LRMDA: variants seen among roughly 807,000 people sequenced by gnomAD.
LRMDA encodes the protein leucine rich melanocyte differentiation associated.
Under a neutral mutation model 29.8 loss-of-function variants are expected in LRMDA, and 18 were observed. The ratio of observed to expected loss-of-function variants is 0.60; its 90% confidence interval spans 0.42 to 0.90. The LOEUF is 0.90. LRMDA is among the 40% of genes least tolerant of loss of function. The pLI is 0.00. For synonymous variants in LRMDA, 125 were observed against 109.4 expected (o/e 1.14, Z -0.89); for missense variants, 273 against 273.9 (o/e 1.00, Z 0.02).
At chr10:75,490,818 T>C (rs1169547179) in intron 2 of LRMDA, among the ~76,000 whole-genome samples, 1 of 152,250 alleles carries the variant, frequency 6.6e-6, no homozygotes, top group Non-Finnish European at 1.5e-5. Context: ...GTATCACTAA[T>C]ACGCCTCTGC....
chr10:76,460,926 C>T (rs967288031), intron 6 of LRMDA, among the ~76,000 whole-genome samples: 2 of 152,166 alleles, frequency 1.3e-5, no homozygotes, highest in Non-Finnish European at 2.9e-5. Flanking sequence ...ACTGCATTCA[C>T]ATCCTGGCTC....
chr10:76,006,951 T>C (rs1207341526), intron 2 of LRMDA, among the ~76,000 whole-genome samples: 1 of 149,940 alleles, frequency 6.7e-6, no homozygotes, highest in East Asian at 2.0e-4. Flanking sequence ...CAATGCTCCC[T>C]GGTCCTGCTA....
chr10:76,470,414 T>A (rs143791805), intron 6 of LRMDA: 67 of 152,214 alleles, frequency 4.4e-4, no homozygotes, highest in African/African-American at 1.5e-3. Context: ...CCCAAAGAAC[T>A]GAAAACAAGA....
rs528511968 is a variant in LRMDA, at chr10:76,380,538, G to A, written c.601+56053G>A. The stretch of plus-strand genomic sequence containing the variant: ...CAAAAAATTAGTCGGGCGTGGTGGC[G>A]GGCGCCTGTAGTCTCAGCTACTCAG... On this transcript the variant is annotated intron_variant, in intron 6 of 6. Transcript: ENST00000611255. Among the ~76,000 whole-genome samples the A allele has an allele frequency of 2.6e-5, 4 of 151,790 alleles. No homozygotes were observed. In the South Asian group the frequency reaches 6.2e-4, roughly 24 times the overall value.
intron 5 of LRMDA, among the ~76,000 whole-genome samples, chr10:76,299,533 T>C (rs943574051): frequency 2.0e-5 from 3 of 151,990 alleles, no homozygotes; most frequent in Non-Finnish European, 4.4e-5. Context: ...CTTCCCTTTT[T>C]ATACTTGCTC....
At chr10:75,558,096 G>T (rs915426202) in intron 2 of LRMDA, among the ~76,000 whole-genome samples, 1 of 151,644 alleles carries the variant, frequency 6.6e-6, no homozygotes, top group South Asian at 2.1e-4. Context: ...CCAGAGAAAG[G>T]ATTGGGAAAT....
chr10:76,307,972 C>G (rs1183145111), intron 5 of LRMDA, among the ~76,000 whole-genome samples: 1 of 152,164 alleles, frequency 6.6e-6, no homozygotes, highest in African/African-American at 2.4e-5. Flanking sequence ...AACTGTTCAA[C>G]AAGGGAGATT....
chr10:76,055,102 A>C (rs1848591914), intron 4 of LRMDA, among the ~76,000 whole-genome samples: 1 of 150,052 alleles, frequency 6.7e-6, no homozygotes, highest in South Asian at 2.1e-4. Flanking sequence ...AAAGAAAAAG[A>C]AAAGAAAGAA....
At chr10:75,573,515 T>C (rs1294407673) in intron 2 of LRMDA, among the ~76,000 whole-genome samples, 1 of 152,202 alleles carries the variant, frequency 6.6e-6, no homozygotes, top group East Asian at 1.9e-4. Context: ...GGATCATTTT[T>C]TTCAGTTTTA....
chr10:75,576,721 C>A (rs193209372), intron 2 of LRMDA, among the ~76,000 whole-genome samples: 2 of 152,318 alleles, frequency 1.3e-5, no homozygotes, highest in Admixed American at 1.3e-4. Flanking sequence ...TGTTCTGCAG[C>A]CTCTGACAGT....
intron 6 of LRMDA, among the ~76,000 whole-genome samples, chr10:76,363,215 A>AAGGGAGAGAG (rs1491098591): frequency 4.0e-5 from 1 of 25,004 alleles, no homozygotes; most frequent in Non-Finnish European, 8.0e-5. Context: ...GGAGGGAAGG[A>AAGGGAGAGAG]AGAGAAAGAA....
rs1844659609 is a variant in LRMDA at position 75,847,479 on chromosome 10, A to C, written c.132-188529A>C. 2.0e-5 allele frequency among the ~76,000 whole-genome samples: 3 copies of C among 152,236 alleles called. No individual in the cohort carries two copies. In the South Asian group the frequency reaches 6.2e-4, roughly 32 times the overall value. ...ATATTGGATATGACACCAAATGCACAGGCAACAAAAACAAAAATAGACAAA... is the reference window on the plus strand; with the variant it reads ...ATATTGGATATGACACCAAATGCACCGGCAACAAAAACAAAAATAGACAAA... On this transcript the variant is annotated intron_variant, in intron 2 of 6. Transcript: ENST00000611255.
intron 2 of LRMDA, among the ~76,000 whole-genome samples, chr10:75,962,285 C>G (rs1846781545): frequency 6.6e-6 from 1 of 152,164 alleles, no homozygotes; most frequent in Non-Finnish European, 1.5e-5. Flanking sequence ...TTCTGCCTCT[C>G]AAAAATGAGG....
At chr10:75,892,122 A>C (rs1845501619) in intron 2 of LRMDA, among the ~76,000 whole-genome samples, 1 of 152,228 alleles carries the variant, frequency 6.6e-6, no homozygotes, top group African/African-American at 2.4e-5. Context: ...CTGGAACTTA[A>C]TCAGCTCTAA....
intron 2 of LRMDA, among the ~76,000 whole-genome samples, chr10:75,899,608 C>G (rs1043889665): frequency 3.3e-5 from 5 of 152,336 alleles, no homozygotes; most frequent in African/African-American, 7.2e-5. Context: ...GGCATCCATT[C>G]AGCTAAAGAT....
chr10:76,308,713 C>T (rs1250027944), intron 5 of LRMDA, among the ~76,000 whole-genome samples: 1 of 152,188 alleles, frequency 6.6e-6, no homozygotes, highest in African/African-American at 2.4e-5. Context: ...ACATTTTCTT[C>T]TCCTCAAAAC....
At chr10:76,462,854 A>G (rs1842527324) in intron 6 of LRMDA, among the ~76,000 whole-genome samples, 1 of 152,192 alleles carries the variant, frequency 6.6e-6, no homozygotes, top group Non-Finnish European at 1.5e-5. Flanking sequence ...ATAATTAAAG[A>G]AAACACCTGT....
At chr10:76,225,272 G>A (rs993483370) in intron 5 of LRMDA, among the ~76,000 whole-genome samples, 3 of 152,060 alleles carry the variant, frequency 2.0e-5, no homozygotes, top group South Asian at 2.1e-4. Flanking sequence ...CTAGCTGGGC[G>A]TGGTGGTGGG....
At chr10:75,894,109 A>C (rs909881797) in intron 2 of LRMDA, among the ~76,000 whole-genome samples, 9 of 151,866 alleles carry the variant, frequency 5.9e-5, no homozygotes, top group African/African-American at 1.9e-4. Context: ...GTGATTTGTG[A>C]GATTTTGGTG....
Sources: allele counts gnomAD v4.1 joint callset (sites outside exome capture counted in the v4.1 genomes callset), GRCh38; gene constraint gnomAD v4.1.1; transcripts MANE v1.5; gene names NCBI Gene and HGNC (gene_info 2026-07-23, HGNC 2026-07-21).